MAPK10: variants seen among roughly 807,000 people sequenced by gnomAD.
The protein encoded by MAPK10 is mitogen-activated protein kinase 10, also known as JNK3 alpha protein kinase.
In MAPK10, 25 loss-of-function variants were observed where a neutral mutation model predicts 59.3. The observed-to-expected ratio is 0.42, with a 90% CI of 0.31 to 0.59. The LOEUF (loss-of-function observed/expected upper bound fraction) is 0.59, where lower values mean the gene tolerates loss of function less well. Ranked by LOEUF, MAPK10 falls within the 20% of genes least tolerant of loss-of-function variation. MAPK10 has a pLI of 0.15. For synonymous variants in MAPK10, 190 were observed against 200.5 expected (o/e 0.95, Z 0.44); for missense variants, 351 against 568.9 (o/e 0.62, Z 3.90).
At chr4:86,482,301 G>C (rs1753668758) in intron 1 of MAPK10, among the ~76,000 whole-genome samples, 1 of 152,108 alleles carries the variant, frequency 6.6e-6, no homozygotes, top group South Asian at 2.1e-4. Flanking sequence ...TGTGAGGTGA[G>C]ATTTTTTTAA....
At chr4:86,396,730 G>A (rs1742996800) in intron 1 of MAPK10, among the ~76,000 whole-genome samples, 2 of 152,092 alleles carry the variant, frequency 1.3e-5, no homozygotes, top group Admixed American at 1.3e-4. Context: ...AGCAAATGCT[G>A]GAGCAAGGGG....
At chr4:86,226,129 T>C (rs1341363458) in intron 2 of MAPK10, among the ~76,000 whole-genome samples, 1 of 152,350 alleles carries the variant, frequency 6.6e-6, no homozygotes, top group East Asian at 1.9e-4. Context: ...TTTCCTTGCA[T>C]AGGGATTTCT....
In MAPK10 at chr4:86,359,985, G is replaced by A. The variant is rs1374814284; in HGVS notation, c.-449C>T. On this transcript the variant is annotated 5_prime_UTR_variant, in exon 1 of 14. Transcript: ENST00000641462. ...AGGTTAAAGAAAATAGAAGAAGAGT[G>A]GCTTGCTGAATCACCCTCTTTCACT... is the stretch of plus-strand genomic sequence containing the variant. The A allele has an allele frequency of 1.0e-6, 1 of 985,768 alleles. No individual in the cohort carries two copies. Among genetic ancestry groups the A allele is most frequent in the Non-Finnish European group, 1.2e-6 (1 of 830,008 alleles). 61.1% of individuals were successfully genotyped at this position (985,768 alleles called of 1,614,324 possible). A position where few individuals can be genotyped will look rare whatever the true frequency, so the allele number is the denominator to read the frequency against.
At position 86,016,006 on chromosome 4, in the gene MAPK10, C is replaced by G. The variant is rs1743176295; in HGVS notation, c.*1222G>C. 6.6e-6 allele frequency: 1 copy of G among 152,062 alleles called. No individual in the cohort carries two copies. Among genetic ancestry groups the G allele is most frequent in the Non-Finnish European group, 1.5e-5 (1 of 68,016 alleles). The allele number at this position is 152,062 out of a possible 1,614,324, so 9.4% of individuals were successfully genotyped here. On this transcript the variant is annotated 3_prime_UTR_variant, in exon 14 of 14. Coordinates refer to ENST00000641462, the MANE Select transcript of MAPK10 (RefSeq NM_138982.4). ...ATTATTTCTCAAAATAAAACTTTGG[C>G]AGAGTATGAATCAGGGAAGCAGCCC...
intron 1 of MAPK10, among the ~76,000 whole-genome samples, chr4:86,529,650 C>T (rs539392756): frequency 6.6e-6 from 1 of 152,258 alleles, no homozygotes; most frequent in South Asian, 2.1e-4. Flanking sequence ...ACACATACTC[C>T]CCAAGAGGTT....
At chr4:86,037,278 T>C (rs925006032) in intron 11 of MAPK10, among the ~76,000 whole-genome samples, 1 of 152,136 alleles carries the variant, frequency 6.6e-6, no homozygotes, top group African/African-American at 2.4e-5. Flanking sequence ...CCCAGGCCTT[T>C]GGGAGGCCGA....
intron 2 of MAPK10, among the ~76,000 whole-genome samples, chr4:86,200,294 A>G (rs1041373386): frequency 1.3e-5 from 2 of 151,994 alleles, no homozygotes; most frequent in Non-Finnish European, 2.9e-5. Context: ...ATGAACAGAG[A>G]ATAGTCTGAA....
chr4:86,468,825 G>A (rs1752424694), intron 1 of MAPK10, among the ~76,000 whole-genome samples: 1 of 152,102 alleles, frequency 6.6e-6, no homozygotes, highest in Non-Finnish European at 1.5e-5. Context: ...CTGCACTCCA[G>A]CCTGGGTGAC....
intron 1 of MAPK10, among the ~76,000 whole-genome samples, chr4:86,430,675 A>G (rs1747923979): frequency 6.6e-6 from 1 of 152,200 alleles, no homozygotes; most frequent in South Asian, 2.1e-4. Flanking sequence ...AGAACAAAAA[A>G]TTGTCCAGTC....
At chr4:86,489,379 C>T (rs1419740522) in intron 1 of MAPK10, among the ~76,000 whole-genome samples, 1 of 152,152 alleles carries the variant, frequency 6.6e-6, no homozygotes, top group African/African-American at 2.4e-5. Context: ...GTCACCCACT[C>T]CCCACCGAAA....
intron 1 of MAPK10, among the ~76,000 whole-genome samples, chr4:86,573,864 A>G (rs1278242226): frequency 2.0e-5 from 3 of 152,118 alleles, no homozygotes; most frequent in African/African-American, 7.2e-5. Context: ...TTAAATGTCA[A>G]TTTCTAATTG....
chr4:86,092,338 A>C (rs2053399415), intron 9 of MAPK10, among the ~76,000 whole-genome samples: 1 of 152,138 alleles, frequency 6.6e-6, no homozygotes, highest in African/African-American at 2.4e-5. Context: ...CCTTGTGCCT[A>C]GAAATGATAA....
At chr4:86,407,104 G>A (rs1744457973) in intron 1 of MAPK10, among the ~76,000 whole-genome samples, 1 of 152,100 alleles carries the variant, frequency 6.6e-6, no homozygotes, top group Non-Finnish European at 1.5e-5. Flanking sequence ...TGCCATACAA[G>A]GTCATTCTAA....
At chr4:86,045,758 A>T (rs1203729360) in intron 11 of MAPK10, among the ~76,000 whole-genome samples, 1 of 151,740 alleles carries the variant, frequency 6.6e-6, no homozygotes, top group Non-Finnish European at 1.5e-5. Flanking sequence ...CAGAAAGCTT[A>T]AAGCTTTGCA....
intron 3 of MAPK10, among the ~76,000 whole-genome samples, chr4:86,163,379 A>T (rs1270251164): frequency 6.6e-6 from 1 of 152,100 alleles, no homozygotes; most frequent in Non-Finnish European, 1.5e-5. Flanking sequence ...GTTCAAATAT[A>T]ATTTTTTCTT....
chr4:86,297,547 G>A (rs1474409384), intron 2 of MAPK10, among the ~76,000 whole-genome samples: 5 of 152,038 alleles, frequency 3.3e-5, no homozygotes, highest in East Asian at 1.9e-4. Context: ...TCCTGACCTC[G>A]TGATCCACCC....
At chr4:86,301,970 G>T (rs1584339738) in intron 2 of MAPK10, among the ~76,000 whole-genome samples, 1 of 151,862 alleles carries the variant, frequency 6.6e-6, no homozygotes, top group Middle Eastern at 3.4e-3. Flanking sequence ...CATTTCACTG[G>T]CATCTCAGGC....
chr4:86,228,134 A>G (rs1352934958), intron 2 of MAPK10, among the ~76,000 whole-genome samples: 3 of 152,222 alleles, frequency 2.0e-5, no homozygotes, highest in Admixed American at 2.0e-4. Context: ...ACTCTGGGCT[A>G]TAGGAACTGT....
rs558369534 is a variant in MAPK10 at position 86,390,065 on chromosome 4, C to T, written c.-121-35421G>A. On this transcript the variant is annotated intron_variant, in intron 1 of 13. Transcript: ENST00000361569. Reference sequence around the variant, plus strand: ...TAAATTTATTCATTCCAAGTAAGGACAAGCATCTGCCTCTTTCCTTTTCTT... The same window carrying T: ...TAAATTTATTCATTCCAAGTAAGGATAAGCATCTGCCTCTTTCCTTTTCTT... Among the ~76,000 whole-genome samples the T allele has an allele frequency of 1.6e-4, 25 of 152,264 alleles. No individual in the cohort carries two copies. The South Asian group carries it at 4.8e-3, about 29-fold the overall frequency.
Sources: gnomAD v4.1 joint callset for allele counts (sites outside exome capture counted in the v4.1 genomes callset) on GRCh38, gnomAD v4.1.1 for gene constraint, MANE v1.5 for transcripts, NCBI Gene and HGNC (gene_info 2026-07-23, HGNC 2026-07-21) for gene names.